The following ASXL2 variants were observed in gnomAD, a reference collection of about 807,000 sequenced individuals.
ASXL2 encodes putative Polycomb group protein ASXL2.
A neutral mutation model predicts 122.0 loss-of-function variants in ASXL2; 23 were observed. That is an observed-to-expected ratio of 0.19 (90% CI 0.14 to 0.27). ASXL2 has a LOEUF of 0.27. Among genes scored for constraint, ASXL2 ranks in the 10% least tolerant of loss-of-function variants. The pLI, the probability that ASXL2 is intolerant of heterozygous loss-of-function variation, is 1.00. For missense variants in ASXL2, 1,518 were observed against 1,713.8 expected (o/e 0.89, Z 2.02); for synonymous variants, 650 against 637.0 (o/e 1.02, Z -0.31).
rs2088959715 is a variant in ASXL2 at position 25,799,287 on chromosome 2, GTGAC to G, written c.403+94_403+97del. 4.6e-6 allele frequency: 7 copies of G among 1,530,834 alleles called. No homozygotes were observed. In the Admixed American group the frequency reaches 5.1e-5, roughly 11 times the overall value. The allele number at this position is 1,530,834 out of a possible 1,614,324, so 94.8% of individuals were successfully genotyped here. A position where few individuals can be genotyped will look rare whatever the true frequency, so the allele number is the denominator to read the frequency against. On this transcript the variant is annotated intron_variant, in intron 5 of 12. Transcript: ENST00000435504. ...GGACTGTTATAGAGGGTAAGGGAAA[GTGAC>G]TGACTGACCTGGAGTCTGGGAAAAG...
intron 4 of ASXL2, among the ~76,000 whole-genome samples, chr2:25,803,773 C>A (rs982705602): frequency 6.6e-6 from 1 of 152,194 alleles, no homozygotes; most frequent in Non-Finnish European, 1.5e-5. Context: ...CGACAGGAGG[C>A]AGAACTCAGG....
chr2:25,781,556 C>CT (rs75386706), intron 5 of ASXL2, among the ~76,000 whole-genome samples: 6,452 of 128,678 alleles, frequency 0.05, 228 homozygotes, highest in African/African-American at 0.091. Context: ...ATCTCAAATT[C>CT]TTTTTTTTTT....
At chr2:25,861,228 C>T (rs970347131) in intron 1 of ASXL2, among the ~76,000 whole-genome samples, 1 of 152,032 alleles carries the variant, frequency 6.6e-6, no homozygotes, top group African/African-American at 2.4e-5. Flanking sequence ...TCTAGCCAGG[C>T]TAAGTAAAAA....
intron 4 of ASXL2, among the ~76,000 whole-genome samples, chr2:25,800,228 T>C (rs554227288): frequency 4.4e-4 from 67 of 152,156 alleles, no homozygotes; most frequent in African/African-American, 1.5e-3. Context: ...ACCCAGGAAG[T>C]TTGAGGCTGC....
At chr2:25,813,571 T>C (rs578070807) in intron 3 of ASXL2, among the ~76,000 whole-genome samples, 2 of 152,310 alleles carry the variant, frequency 1.3e-5, no homozygotes, top group South Asian at 2.1e-4. Context: ...ACTGTAATTA[T>C]GGGTAAGAGA....
chr2:25,800,035 C>T (rs2088971614), intron 4 of ASXL2, among the ~76,000 whole-genome samples: 1 of 150,842 alleles, frequency 6.6e-6, no homozygotes, highest in South Asian at 2.1e-4. Flanking sequence ...GGAACGAACA[C>T]TCCTGTAGTC....
chr2:25,869,522 A>T (rs950713903), intron 1 of ASXL2, among the ~76,000 whole-genome samples: 7 of 152,128 alleles, frequency 4.6e-5, no homozygotes, highest in African/African-American at 1.2e-4. Flanking sequence ...CTTGTCCACA[A>T]TAAAAAAAGT....
rs544125602 is a variant in ASXL2, at chr2:25,853,364, T to C, written c.58-7801A>G. On this transcript the variant is annotated intron_variant, in intron 1 of 12. Transcript: ENST00000435504. ...GGGAAAAAGTCCTTACCTGGCTGTT[T>C]AGCAGTTATCTACTGATCACTACCT... Among the ~76,000 whole-genome samples the C allele has an allele frequency of 2.7e-4, 41 of 152,306 alleles. No homozygotes were observed. The East Asian group carries it at 6.6e-3, about 24-fold the overall frequency.
chr2:25,858,797 G>C (rs191842629), intron 1 of ASXL2, among the ~76,000 whole-genome samples: 7 of 150,912 alleles, frequency 4.6e-5, no homozygotes, highest in Non-Finnish European at 1.0e-4. Flanking sequence ...TAAAGTGAAC[G>C]TAAGTAGAAA....
At chr2:25,855,499 T>C (rs971400553) in intron 1 of ASXL2, among the ~76,000 whole-genome samples, 2 of 152,084 alleles carry the variant, frequency 1.3e-5, no homozygotes, top group Non-Finnish European at 2.9e-5. Context: ...CAAAACCCCG[T>C]CTCTGCTAAA....
chr2:25,814,924 A>G (rs1412520999), intron 3 of ASXL2, among the ~76,000 whole-genome samples: 1 of 152,224 alleles, frequency 6.6e-6, no homozygotes, highest in Non-Finnish European at 1.5e-5. Flanking sequence ...TAATTTACTC[A>G]TCTGCAAAAT....
At chr2:25,749,446 AG>A (rs1168734497) in intron 12 of ASXL2, among the ~76,000 whole-genome samples, 1 of 152,358 alleles carries the variant, frequency 6.6e-6, no homozygotes, top group African/African-American at 2.4e-5. Context: ...TAGTGAGCAC[AG>A]GGGTGGTTTA....
chr2:25,750,548 C>A (rs2088027571), intron 11 of ASXL2, 135 bp from the exon 12 acceptor site: 2 of 781,758 alleles, frequency 2.6e-6, no homozygotes, highest in Non-Finnish European at 4.0e-6. Flanking sequence ...ATTATCTTCA[C>A]TATTAGTAGT....
chr2:25,860,932 A>T (rs2089838008), intron 1 of ASXL2, among the ~76,000 whole-genome samples: 1 of 151,670 alleles, frequency 6.6e-6, no homozygotes, highest in East Asian at 1.9e-4. Context: ...GGATTGCTTG[A>T]GCCCAGGAGG....
Position 25,744,098 on chromosome 2 carries a change from C to T in ASXL2, c.2239G>A (p.Gly747Ser). ...RGGTRELLPC[G>S]PETQPQSETK... ...TCAGACTGGGGCTGAGTCTCTGGAC[C>T]ACAGGGTAAAAGCTCTCTCGTACCT... The change falls in exon 13 of 13, where the codon GGT (glycine) becomes AGT (serine). Residue 747 changes from glycine to serine, a missense_variant. Physicochemically the swap from Gly to Ser is moderately conservative, Grantham distance 56. This residue lies in a region of ASXL2 where 831 missense variants were observed against 833.1 expected (regional missense o/e 1.00). Transcript: ENST00000435504. This position sits in a 1 kb window ranked among gnomAD's most constrained non-coding sequence, Gnocchi z 4.7. 1 of 1,613,912 alleles carries T rather than the reference C, an allele frequency of 6.2e-7. No homozygotes were observed. Among genetic ancestry groups the T allele is most frequent in the South Asian group, 1.1e-5 (1 of 91,080 alleles).
chr2:25,877,169 C>A (rs1243283382), intron 1 of ASXL2, among the ~76,000 whole-genome samples: 1 of 152,084 alleles, frequency 6.6e-6, no homozygotes. Context: ...GAAGTATTAC[C>A]GGCATTAATC....
At chr2:25,809,622 A>G (rs186231883) in intron 3 of ASXL2, among the ~76,000 whole-genome samples, 1 of 152,370 alleles carries the variant, frequency 6.6e-6, no homozygotes, top group African/African-American at 2.4e-5. Flanking sequence ...AATGTTTTAC[A>G]AATGGTTGCT....
At chr2:25,784,325 G>C (rs1462014626) in intron 5 of ASXL2, among the ~76,000 whole-genome samples, 1 of 152,100 alleles carries the variant, frequency 6.6e-6, no homozygotes, top group Non-Finnish European at 1.5e-5. Context: ...AGCTTTGGCT[G>C]CAAGTCTCAC....
chr2:25,791,285 G>A (rs1460287297), intron 5 of ASXL2, among the ~76,000 whole-genome samples: 1 of 151,902 alleles, frequency 6.6e-6, no homozygotes, highest in Non-Finnish European at 1.5e-5. Flanking sequence ...TCAGGAGTTC[G>A]AGACCAGTCT....
Sources: allele counts gnomAD v4.1 joint callset (sites outside exome capture counted in the v4.1 genomes callset), GRCh38; gene constraint gnomAD v4.1.1; regional missense constraint gnomAD v4.1.1; non-coding constraint Gnocchi (gnomAD v3.1); transcripts MANE v1.5; gene names NCBI Gene and HGNC (gene_info 2026-07-23, HGNC 2026-07-21).